SLC9B2: variants seen among roughly 807,000 people sequenced by gnomAD.
SLC9B2 encodes solute carrier family 9 member B2.
In SLC9B2, 39 loss-of-function variants were observed where a neutral mutation model predicts 52.2. That is an observed-to-expected ratio of 0.75 (90% CI 0.58 to 0.98). SLC9B2 has a LOEUF of 0.98. Ranked by LOEUF, SLC9B2 falls within the 50% of genes least tolerant of loss-of-function variation. SLC9B2 has a pLI of 0.00. For synonymous variants in SLC9B2, 214 were observed against 227.0 expected (o/e 0.94, Z 0.51); for missense variants, 626 against 637.5 (o/e 0.98, Z 0.19).
rs72939318 is a variant in SLC9B2 at position 103,048,135 on chromosome 4, C to T, written c.713+758G>A. 3.5e-3 allele frequency among the ~76,000 whole-genome samples: 537 copies of T among 152,246 alleles called. 2 individuals are homozygous for T. The highest frequency in any genetic ancestry group is 0.012 in the African/African-American group (518 of 41,534). ...AAACGATATGACAGTCACATTGATA[C>T]CAGTAACAACAGCAGTGGTAACAGC... On this transcript the variant is annotated intron_variant, in intron 6 of 11. Transcript: ENST00000394785.
At chr4:103,071,234 C>T (rs138719689) in intron 1 of SLC9B2, among the ~76,000 whole-genome samples, 1,845 of 151,814 alleles carry the variant, frequency 0.012, 33 homozygotes, top group African/African-American at 0.042. Context: ...GATGGATTCT[C>T]GCTCTGTCAC....
intron 4 of SLC9B2, among the ~76,000 whole-genome samples, chr4:103,055,804 T>TA (rs1745080300): frequency 9.9e-6 from 1 of 100,820 alleles, no homozygotes; most frequent in South Asian, 2.9e-4. Context: ...TGCAGAATTC[T>TA]TTTTTTTTTT....
chr4:103,029,146 T>C (rs1167756442), intron 10 of SLC9B2, among the ~76,000 whole-genome samples: 1 of 152,214 alleles, frequency 6.6e-6, no homozygotes, highest in Non-Finnish European at 1.5e-5. Flanking sequence ...GAATGTTATA[T>C]ATGTCTTATG....
At chr4:103,049,589 A>G (rs948214579) in intron 5 of SLC9B2, among the ~76,000 whole-genome samples, 1 of 152,188 alleles carries the variant, frequency 6.6e-6, no homozygotes, top group Non-Finnish European at 1.5e-5. Context: ...GGCTTTGCAA[A>G]CCAAAAATAT....
chr4:103,072,054 A>ATTTTTTTTTTTTTTTTT (rs1375668319), intron 1 of SLC9B2, among the ~76,000 whole-genome samples: 2 of 62,462 alleles, frequency 3.2e-5, no homozygotes, highest in African/African-American at 1.8e-4. Context: ...TTTGGCTTTC[A>ATTTTTTTTTTTTTTTTT]TGTTTTTTTT....
chr4:103,066,514 TTAAAG>T lies in SLC9B2; in HGVS notation c.91-12_91-8del, dbSNP rs1446998422. 4.4e-6 allele frequency: 7 copies of T among 1,604,256 alleles called. No individual in the cohort carries two copies. The highest frequency in any genetic ancestry group is 1.7e-5 in the Admixed American group (1 of 57,446). On this transcript the variant is annotated splice_region_variant and splice_polypyrimidine_tract_variant and intron_variant, in intron 2 of 11. Transcript: ENST00000394785. ...GCTTCATAACTGTCTCCTCCTGTGTTTAAAGTAATTTTAAAAATCCTTAAAACTGT... is the reference window on the plus strand; with the variant it reads ...GCTTCATAACTGTCTCCTCCTGTGTTTAATTTTAAAAATCCTTAAAACTGT...
chr4:103,066,495 T>C lies in SLC9B2; in HGVS notation c.103A>G (p.Met35Val). 4 of 1,613,604 alleles carry C rather than the reference T, an allele frequency of 2.5e-6. No homozygotes were observed. The highest frequency in any genetic ancestry group is 3.4e-6 in the Non-Finnish European group (4 of 1,179,788). Residue 35 changes from methionine (M) to valine (V), a missense_variant, in exon 3 of 12, where the codon ATG (methionine) becomes GTG (valine). By Grantham distance (21) the Met-to-Val change is conservative (BLOSUM62 1). Coordinates refer to ENST00000394785, the MANE Select transcript of SLC9B2 (RefSeq NM_178833.7). ...TTTGCATCTATACCTTTGAGCTTCA[T>C]AACTGTCTCCTCCTGTGTTTAAAGT... ...MHQEAQEETVMKLKGIDANEP... is the reference protein window; with the variant it reads ...MHQEAQEETVVKLKGIDANEP...
intron 11 of SLC9B2, 72 bp from the exon 12 acceptor site, chr4:103,026,663 GT>G: frequency 2.9e-6 from 4 of 1,388,874 alleles, no homozygotes; most frequent in Non-Finnish European, 3.9e-6. Flanking sequence ...GTTTTTTATT[GT>G]TTGCAAAAGC....
At chr4:103,057,493 A>T (rs1745254385) in intron 4 of SLC9B2, among the ~76,000 whole-genome samples, 1 of 151,758 alleles carries the variant, frequency 6.6e-6, no homozygotes, top group Non-Finnish European at 1.5e-5. Context: ...TTTTGTAGAG[A>T]CAGGGTTTCA....
At chr4:103,065,285 T>C (rs1746024655) in intron 3 of SLC9B2, 1 of 151,972 alleles carries the variant, frequency 6.6e-6, no homozygotes, top group African/African-American at 2.4e-5. Context: ...ACAGGAGGAA[T>C]AAGTTTAAGA....
chr4:103,032,108 C>T (rs1742760796), intron 9 of SLC9B2, among the ~76,000 whole-genome samples: 1 of 152,022 alleles, frequency 6.6e-6, no homozygotes, highest in Non-Finnish European at 1.5e-5. Context: ...TGTGTATGTG[C>T]ATGTGTGTAT....
chr4:103,064,139 AC>A (rs1745895355), intron 3 of SLC9B2, among the ~76,000 whole-genome samples: 2 of 152,248 alleles, frequency 1.3e-5, no homozygotes, highest in African/African-American at 4.8e-5. Flanking sequence ...CAATCCCATT[AC>A]TGGGTATGTA....
chr4:103,047,465 C>T (rs952577752), intron 6 of SLC9B2, among the ~76,000 whole-genome samples: 14 of 150,918 alleles, frequency 9.3e-5, no homozygotes, highest in Non-Finnish European at 1.3e-4. Flanking sequence ...CATATGTATA[C>T]ATGTGCCATG....
rs1242795246 is a variant in SLC9B2 at position 103,024,660 on chromosome 4, T to G, written c.*1710A>C. On this transcript the variant is annotated 3_prime_UTR_variant, in exon 12 of 12. Coordinates refer to ENST00000394785, the MANE Select transcript of SLC9B2 (RefSeq NM_178833.7). ...TCTACTTCAAGATTAAAATGAACTT[T>G]GAATTCTAGGTCGAGGAGTTTAGAT... Among the ~76,000 whole-genome samples the G allele has an allele frequency of 6.6e-6, 1 of 152,190 alleles. No homozygotes were observed.
intron 6 of SLC9B2, 67 bp downstream of exon 6, chr4:103,048,826 T>C: frequency 1.3e-6 from 2 of 1,559,032 alleles, no homozygotes; most frequent in Non-Finnish European, 1.7e-6. Flanking sequence ...TGCATTCTCT[T>C]GTATGCAATC....
chr4:103,029,252 T>G (rs574677789), intron 10 of SLC9B2, among the ~76,000 whole-genome samples: 73 of 152,272 alleles, frequency 4.8e-4, no homozygotes, highest in African/African-American at 1.7e-3. Flanking sequence ...CTAAGTACTG[T>G]GTACACATAA....
chr4:103,047,481 C>T (rs577924000), intron 6 of SLC9B2, among the ~76,000 whole-genome samples: 84 of 150,020 alleles, frequency 5.6e-4, no homozygotes, highest in African/African-American at 2.0e-3. Context: ...CCATGTTGTT[C>T]TGCTGCACCC....
At chr4:103,038,089 A>G (rs1159173414) in intron 9 of SLC9B2, among the ~76,000 whole-genome samples, 3 of 152,050 alleles carry the variant, frequency 2.0e-5, no homozygotes, top group African/African-American at 4.8e-5. Context: ...CTCAAACTCC[A>G]GAGCTCAGGC....
chr4:103,040,545 G>A (rs1473538959), intron 9 of SLC9B2, among the ~76,000 whole-genome samples: 1 of 152,188 alleles, frequency 6.6e-6, no homozygotes, highest in Non-Finnish European at 1.5e-5. Flanking sequence ...AATAGGCTGT[G>A]TATAAAAGAT....
Sources: allele counts gnomAD v4.1 joint callset (sites outside exome capture counted in the v4.1 genomes callset), GRCh38; gene constraint gnomAD v4.1.1; transcripts MANE v1.5; gene names NCBI Gene and HGNC (gene_info 2026-07-23, HGNC 2026-07-21).